CNTNAP2: variants seen among roughly 807,000 people sequenced by gnomAD.
The protein encoded by CNTNAP2 is contactin associated protein 2.
In CNTNAP2, 98 loss-of-function variants were observed where a neutral mutation model predicts 155.2. The observed-to-expected ratio is 0.63, with a 90% confidence interval of 0.54 to 0.75. The LOEUF is 0.75. Ranked by LOEUF, CNTNAP2 falls within the 30% of genes least tolerant of loss-of-function variation. CNTNAP2 has a pLI of 0.00. For synonymous variants in CNTNAP2, 651 were observed against 631.2 expected (o/e 1.03, Z -0.47); for missense variants, 1,727 against 1,688.1 (o/e 1.02, Z -0.40).
chr7:146,961,864 C>G (rs763180358), intron 3 of CNTNAP2, among the ~76,000 whole-genome samples: 1 of 152,092 alleles, frequency 6.6e-6, no homozygotes, highest in Non-Finnish European at 1.5e-5. Context: ...AAATTTGACT[C>G]CTGAAATCAC....
chr7:146,935,224 T>C (rs748072232), intron 3 of CNTNAP2, among the ~76,000 whole-genome samples: 8 of 152,156 alleles, frequency 5.3e-5, no homozygotes, highest in Non-Finnish European at 5.9e-5. Flanking sequence ...GAGACTCTTA[T>C]CTTTGAGTAA....
chr7:148,270,221 G>A (rs1796750095), intron 21 of CNTNAP2, among the ~76,000 whole-genome samples: 1 of 152,206 alleles, frequency 6.6e-6, no homozygotes, highest in Non-Finnish European at 1.5e-5. Context: ...AATGTACCTT[G>A]ACATCAATCT....
intron 10 of CNTNAP2, among the ~76,000 whole-genome samples, chr7:147,409,213 TA>T (rs1797059994): frequency 6.6e-6 from 1 of 151,940 alleles, no homozygotes; most frequent in Admixed American, 6.5e-5. Flanking sequence ...AAGAGAAAAT[TA>T]AAATAGAGGC....
intron 10 of CNTNAP2, among the ~76,000 whole-genome samples, chr7:147,447,749 A>G (rs889625219): frequency 2.6e-5 from 4 of 151,998 alleles, no homozygotes; most frequent in Non-Finnish European, 5.9e-5. Context: ...TGCCTTCTTT[A>G]CAATTTTTCT....
intron 3 of CNTNAP2, among the ~76,000 whole-genome samples, chr7:146,857,451 A>T (rs762421559): frequency 6.6e-6 from 1 of 152,236 alleles, no homozygotes; most frequent in Non-Finnish European, 1.5e-5. Context: ...TATTCTTTCA[A>T]AACCAGATTG....
At chr7:148,296,503 G>A (rs898247609) in intron 21 of CNTNAP2, among the ~76,000 whole-genome samples, 12 of 126,786 alleles carry the variant, frequency 9.5e-5, no homozygotes, top group African/African-American at 3.3e-4. Flanking sequence ...CCAAGATCAC[G>A]CTGCTGCACT....
chr7:147,347,477 C>CATATATATATATATGA (rs2116872023), intron 9 of CNTNAP2, among the ~76,000 whole-genome samples: 1 of 30,176 alleles, frequency 3.3e-5, no homozygotes, highest in East Asian at 5.7e-4. Flanking sequence ...TATATATATG[C>CATATATATATATATGA]ATATATATAT....
At chr7:147,238,053 C>A (rs1292836488) in intron 8 of CNTNAP2, among the ~76,000 whole-genome samples, 1 of 152,182 alleles carries the variant, frequency 6.6e-6, no homozygotes, top group African/African-American at 2.4e-5. Flanking sequence ...CTCGCTCTGT[C>A]GCCCAGGCTG....
intron 12 of CNTNAP2, among the ~76,000 whole-genome samples, chr7:147,575,739 G>A (rs1800386329): frequency 2.0e-5 from 3 of 151,958 alleles, no homozygotes; most frequent in African/African-American, 7.2e-5. Context: ...AAATTTTAAT[G>A]TAAATTAATA....
intron 21 of CNTNAP2, among the ~76,000 whole-genome samples, chr7:148,311,048 G>A (rs1797587042): frequency 2.0e-5 from 3 of 152,106 alleles, no homozygotes; most frequent in Non-Finnish European, 4.4e-5. Flanking sequence ...ATACATAAAG[G>A]AGCGGCCACA....
chr7:146,637,756 G>A (rs1799623682), intron 1 of CNTNAP2, among the ~76,000 whole-genome samples: 1 of 152,064 alleles, frequency 6.6e-6, no homozygotes, highest in African/African-American at 2.4e-5. Context: ...CCACATAAAT[G>A]TAACTCAGAC....
chr7:146,847,631 G>A (rs147760912), intron 3 of CNTNAP2, among the ~76,000 whole-genome samples: 136 of 152,134 alleles, frequency 8.9e-4, no homozygotes, highest in Middle Eastern at 3.4e-3. Context: ...ATTTAAAATA[G>A]CCTGTTACTT....
At chr7:146,177,744 A>G (rs1798490571) in intron 1 of CNTNAP2, among the ~76,000 whole-genome samples, 1 of 152,234 alleles carries the variant, frequency 6.6e-6, no homozygotes, top group Non-Finnish European at 1.5e-5. Flanking sequence ...TTTATATGTA[A>G]GAAATCCTTT....
At chr7:147,789,339 G>C (rs1227608915) in intron 13 of CNTNAP2, among the ~76,000 whole-genome samples, 1 of 152,078 alleles carries the variant, frequency 6.6e-6, no homozygotes, top group African/African-American at 2.4e-5. Context: ...TCACTTCTTG[G>C]CTGGTCGTTC....
At chr7:148,180,411 C>T (rs1449398933) in intron 18 of CNTNAP2, among the ~76,000 whole-genome samples, 1 of 151,864 alleles carries the variant, frequency 6.6e-6, no homozygotes, top group Admixed American at 6.6e-5. Flanking sequence ...TTAAAAGTAT[C>T]ATGGTAACTG....
intron 4 of CNTNAP2, among the ~76,000 whole-genome samples, chr7:147,095,105 C>T (rs554741096): frequency 3.3e-5 from 5 of 151,770 alleles, no homozygotes; most frequent in South Asian, 2.1e-4. Context: ...CTGCAACCTT[C>T]GTCTACCGGG....
chr7:148,315,117 G>A (rs1797664858), intron 21 of CNTNAP2, among the ~76,000 whole-genome samples: 1 of 152,164 alleles, frequency 6.6e-6, no homozygotes, highest in Non-Finnish European at 1.5e-5. Flanking sequence ...AGAGGTCGTA[G>A]GTGGATCTTT....
intron 16 of CNTNAP2, among the ~76,000 whole-genome samples, chr7:148,139,472 G>A (rs541521933): frequency 6.6e-6 from 1 of 152,242 alleles, no homozygotes; most frequent in South Asian, 2.1e-4. Flanking sequence ...TGGGCTCAGG[G>A]GTCGAAGTCT....
chr7:146,994,286 A>C (rs887685762), intron 3 of CNTNAP2, among the ~76,000 whole-genome samples: 3 of 152,096 alleles, frequency 2.0e-5, no homozygotes, highest in African/African-American at 7.2e-5. Flanking sequence ...TTTGTACTGC[A>C]CTCTATTTTC....
Sources: gnomAD v4.1 joint callset for allele counts (sites outside exome capture counted in the v4.1 genomes callset) on GRCh38, gnomAD v4.1.1 for gene constraint, MANE v1.5 for transcripts, NCBI Gene and HGNC (gene_info 2026-07-23, HGNC 2026-07-21) for gene names.